VWA5B1: variants seen among roughly 807,000 people sequenced by gnomAD.
The protein encoded by VWA5B1 is von Willebrand factor A domain-containing protein 5B1.
Under a neutral mutation model 118.2 loss-of-function variants are expected in VWA5B1, and 115 were observed. That is an observed-to-expected ratio of 0.97 (90% CI 0.84 to 1.14). VWA5B1 has a LOEUF of 1.14. Ranked by LOEUF, VWA5B1 falls within the 50% of genes most tolerant of loss-of-function variation. The pLI, the probability that VWA5B1 is intolerant of heterozygous loss-of-function variation, is 0.00. For synonymous variants in VWA5B1, 682 were observed against 658.4 expected (o/e 1.04, Z -0.55); for missense variants, 1,596 against 1,603.8 (o/e 1.00, Z 0.08).
At position 20,330,958 on chromosome 1, in the gene VWA5B1, T is replaced by C. The variant is rs1161163756; in HGVS notation, c.1547T>C (p.Met516Thr). 5 of 1,550,606 alleles carry C rather than the reference T, an allele frequency of 3.2e-6. No individual in the cohort carries two copies. The highest frequency in any genetic ancestry group is 2.6e-6 in the Non-Finnish European group (3 of 1,146,570). The change falls in exon 11 of 22, where the codon ATG becomes ACG. Residue 516 changes from methionine to threonine, a missense_variant. Transcript: ENST00000289815. ...SVSEGSAELL[M>T]EGERLQPKMV... Reference sequence around the variant, plus strand: ...TCCGAGGGCAGTGCTGAGCTCCTGATGGAGGGGGAGCGGCTGCAACCCAAG... The same window carrying C: ...TCCGAGGGCAGTGCTGAGCTCCTGACGGAGGGGGAGCGGCTGCAACCCAAG...
chr1:20,311,480 T>C (rs2100840147), intron 2 of VWA5B1, among the ~76,000 whole-genome samples: 1 of 152,334 alleles, frequency 6.6e-6, no homozygotes, highest in African/African-American at 2.4e-5. Context: ...ATGCCCTGGA[T>C]TGTGGCGGAG....
At chr1:20,314,200 C>A in intron 3 of VWA5B1, 122 bp from the exon 4 acceptor site, 1 of 1,037,768 alleles carries the variant, frequency 9.6e-7, no homozygotes, top group Non-Finnish European at 1.4e-6. Context: ...CAAGTCACAC[C>A]CTCAAGCTGA....
At chr1:20,333,408 C>T (rs1186269893) in intron 12 of VWA5B1, among the ~76,000 whole-genome samples, 9 of 152,136 alleles carry the variant, frequency 5.9e-5, no homozygotes, top group Admixed American at 4.6e-4. Flanking sequence ...ACTCGGGAGG[C>T]GGAGTTTGCA....
Position 20,345,308 on chromosome 1 carries a change from G to A in VWA5B1, c.2627-148G>A, listed in dbSNP as rs1313210532. On this transcript the variant is annotated intron_variant, in intron 16 of 21. Coordinates refer to ENST00000289815, the MANE Select transcript of VWA5B1 (RefSeq NM_001039500.3). ...TTGTTTTAAAAAATGTCTTTAGTTAGCAAGTTGGCAAGCCCTTGATTTTAA... is the reference window on the plus strand; with the variant it reads ...TTGTTTTAAAAAATGTCTTTAGTTAACAAGTTGGCAAGCCCTTGATTTTAA... 3.3e-6 allele frequency: 3 copies of A among 904,748 alleles called. No individual in the cohort carries two copies. In the Admixed American group the frequency reaches 9.7e-5, roughly 29 times the overall value. The allele number at this position is 904,748 out of a possible 1,614,324, so 56.0% of individuals were successfully genotyped here.
chr1:20,306,620 A>G (rs2100822029), intron 1 of VWA5B1, among the ~76,000 whole-genome samples: 1 of 152,322 alleles, frequency 6.6e-6, no homozygotes, highest in East Asian at 1.9e-4. Context: ...GCTGGCACTC[A>G]TTCATTCATT....
intron 6 of VWA5B1, among the ~76,000 whole-genome samples, 192 bp from the exon 7 acceptor site, chr1:20,319,190 G>T (rs535757253): frequency 3.3e-5 from 5 of 152,302 alleles, no homozygotes; most frequent in African/African-American, 1.2e-4. Flanking sequence ...GTCACCCATG[G>T]CCACTAGGCT....
Position 20,343,170 on chromosome 1 carries a change from G to T in VWA5B1, c.2403G>T (p.Arg801Ser). ...AESQERASPSRPATPAPVLGK... is the reference protein window; with the variant it reads ...AESQERASPSSPATPAPVLGK... ...CCCAGGAGCGAGCCAGTCCCAGCAGGCCCGCCACCCCGGCCCCGGTGCTGG... is the reference window on the plus strand; with the variant it reads ...CCCAGGAGCGAGCCAGTCCCAGCAGTCCCGCCACCCCGGCCCCGGTGCTGG... Residue 801 changes from arginine (R) to serine (S), a missense_variant, in exon 16 of 22, where the codon AGG (arginine) becomes AGT (serine). Physicochemically the swap from Arg to Ser is moderately radical, Grantham distance 110 (BLOSUM62 -1). Coordinates refer to ENST00000289815, the MANE Select transcript of VWA5B1 (RefSeq NM_001039500.3). 6.5e-7 allele frequency: 1 copy of T among 1,549,308 alleles called. No homozygotes were observed. Among genetic ancestry groups the T allele is most frequent in the South Asian group, 1.2e-5 (1 of 83,994 alleles).
intron 1 of VWA5B1, among the ~76,000 whole-genome samples, chr1:20,299,897 G>A (rs1259320371): frequency 1.3e-5 from 2 of 152,248 alleles, no homozygotes; most frequent in Admixed American, 6.5e-5. Flanking sequence ...GCCAGTGAGA[G>A]GTAGAGCCCT....
At chr1:20,349,108 G>A in intron 18 of VWA5B1, 1 of 363,592 alleles carries the variant, frequency 2.8e-6, no homozygotes, top group Non-Finnish European at 5.8e-6. Context: ...GTCCTAGAAA[G>A]TGCTCACAGA....
rs775980544 is a variant in VWA5B1 at position 20,314,469 on chromosome 1, C to A, written c.440C>A (p.Thr147Asn). Residue 147 changes from threonine to asparagine, a missense_variant, in exon 4 of 22, where the codon ACC becomes AAC. Coordinates refer to ENST00000289815, the MANE Select transcript of VWA5B1 (RefSeq NM_001039500.3). ...PMENVTIFIS[T>N]SSELPTLPSG... ...GAGAATGTCACCATCTTCATCAGCACCTCCTCGGAGCTCCCAACGCTGCCC... is the reference window on the plus strand; with the variant it reads ...GAGAATGTCACCATCTTCATCAGCAACTCCTCGGAGCTCCCAACGCTGCCC... 9.0e-6 allele frequency: 14 copies of A among 1,551,788 alleles called. No homozygotes were observed. The highest frequency in any genetic ancestry group is 5.9e-5 in the South Asian group (5 of 84,054).
rs957466856 is a variant in VWA5B1, at chr1:20,357,218, C to G, written c.*2955C>G. Among the ~76,000 whole-genome samples the G allele has an allele frequency of 2.6e-5, 4 of 152,242 alleles. No individual in the cohort carries two copies. Among genetic ancestry groups the G allele is most frequent in the African/African-American group, 9.6e-5 (4 of 41,470 alleles). ...CCAAGCATGGGTCCCAACTCCACCA[C>G]TAGTGTGCTGTGTGACTTCTGGCAA... On this transcript the variant is annotated 3_prime_UTR_variant, in exon 22 of 22. Coordinates refer to ENST00000289815, the MANE Select transcript of VWA5B1 (RefSeq NM_001039500.3).
chr1:20,291,381 CTCTCTT>C lies in VWA5B1; in HGVS notation c.-27+297_-27+302del, dbSNP rs1248914000. 8.7e-5 allele frequency among the ~76,000 whole-genome samples: 13 copies of C among 149,614 alleles called. 1 individual carries two copies. The highest frequency in any genetic ancestry group is 2.0e-4 in the East Asian group (1 of 5,110). ...TCTTTCTCTCTCTCTCTCTCTCTCTCTCTCTTTCTGTCTCCTCTATTTCTCTCCCTC... is the reference window on the plus strand; with the variant it reads ...TCTTTCTCTCTCTCTCTCTCTCTCTCTCTGTCTCCTCTATTTCTCTCCCTC... On this transcript the variant is annotated intron_variant, in intron 1 of 21. Transcript: ENST00000289815.
At chr1:20,313,625 T>C (rs1299211189) in intron 3 of VWA5B1, among the ~76,000 whole-genome samples, 1 of 152,238 alleles carries the variant, frequency 6.6e-6, no homozygotes, top group Non-Finnish European at 1.5e-5. Context: ...GGCTAGAATG[T>C]AGACCAGGTA....
chr1:20,294,824 G>A (rs186819855), intron 1 of VWA5B1, among the ~76,000 whole-genome samples: 175 of 151,958 alleles, frequency 1.2e-3, no homozygotes, highest in African/African-American at 4.1e-3. Flanking sequence ...CCCAGCCTCA[G>A]GTGATCTGCC....
Position 20,320,484 on chromosome 1 carries a change from A to G in VWA5B1, c.966+978A>G, listed in dbSNP as rs536731435. On this transcript the variant is annotated intron_variant, in intron 7 of 21. Coordinates refer to ENST00000289815, the MANE Select transcript of VWA5B1 (RefSeq NM_001039500.3). ...AGCTGGAGCCCGGGGTTCTCAGAGT[A>G]GGGGGTGGCAGTGCCAGAGGTCCCA... Among the ~76,000 whole-genome samples the G allele has an allele frequency of 3.3e-5, 5 of 152,288 alleles. No individual in the cohort carries two copies. In the South Asian group the frequency reaches 8.3e-4, roughly 25 times the overall value.
chr1:20,309,833 G>A (rs923994132), intron 1 of VWA5B1, among the ~76,000 whole-genome samples: 1 of 152,002 alleles, frequency 6.6e-6, no homozygotes, highest in Admixed American at 6.5e-5. Flanking sequence ...GGGTGCTGGT[G>A]GCCATGAAGG....
At chr1:20,332,998 T>C in intron 12 of VWA5B1, 47 bp downstream of exon 12, 1 of 1,538,430 alleles carries the variant, frequency 6.5e-7, no homozygotes, top group Non-Finnish European at 8.8e-7. Context: ...CCAGAACCCA[T>C]GCCTACAAAT....
At chr1:20,331,004 A>G in intron 11 of VWA5B1, 21 bp downstream of exon 11, 1 of 1,526,830 alleles carries the variant, frequency 6.5e-7, no homozygotes, top group Non-Finnish European at 8.8e-7. Context: ...GAACCCACGC[A>G]GTCCCTTCTG....
At chr1:20,336,244 G>A (rs1036175060) in intron 12 of VWA5B1, 59 bp from the exon 13 acceptor site, 147 of 1,284,046 alleles carry the variant, frequency 1.1e-4, no homozygotes, top group South Asian at 6.1e-5. Context: ...TGCTCCCTGC[G>A]GAAGTCCTTC....
Sources: gnomAD v4.1 joint callset for allele counts (sites outside exome capture counted in the v4.1 genomes callset) on GRCh38, gnomAD v4.1.1 for gene constraint, MANE v1.5 for transcripts, NCBI Gene and HGNC (gene_info 2026-07-23, HGNC 2026-07-21) for gene names.